The following RECQL5 variants were observed in gnomAD, a reference collection of about 807,000 sequenced individuals.
RECQL5 encodes the protein ATP-dependent DNA helicase Q5.
Under a neutral mutation model 103.4 loss-of-function variants are expected in RECQL5, and 88 were observed. The observed-to-expected ratio is 0.85, with a 90% CI of 0.72 to 1.02. The LOEUF (loss-of-function observed/expected upper bound fraction) is 1.02. Among genes scored for constraint, RECQL5 ranks in the 50% least tolerant of loss-of-function variants. The pLI is 0.00. For missense variants in RECQL5, 1,232 were observed against 1,284.3 expected, an observed-to-expected ratio of 0.96 and a Z score of 0.62; for synonymous variants, 552 against 507.9, an observed-to-expected ratio of 1.09 and a Z score of -1.17.
chr17:75,650,040 T>G, intron 8 of RECQL5: 1 of 985,568 alleles, frequency 1.0e-6, no homozygotes, highest in Non-Finnish European at 1.2e-6. Flanking sequence ...CCCCAGAGCT[T>G]TTTTCAGCAA....
At position 75,665,010 on chromosome 17, in the gene RECQL5, G is replaced by A. The variant is rs533226551; in HGVS notation, c.252+41C>T. The A allele has an allele frequency of 2.7e-6, 4 of 1,492,996 alleles. No homozygotes were observed. The African/African-American group carries it at 4.4e-5, about 16-fold the overall frequency. The allele number at this position is 1,492,996 out of a possible 1,614,324, so 92.5% of individuals were successfully genotyped here. A position where few individuals can be genotyped will look rare whatever the true frequency, so the allele number is the denominator to read the frequency against. Reference sequence around the variant, plus strand: ...TTTCCAGCCTCAAAAAACCTTCCCCGAATCTTTTTGGGCTACCATCTTCAT... The same window carrying A: ...TTTCCAGCCTCAAAAAACCTTCCCCAAATCTTTTTGGGCTACCATCTTCAT... On this transcript the variant is annotated intron_variant, in intron 3 of 19. Coordinates refer to ENST00000317905, the MANE Select transcript of RECQL5 (RefSeq NM_004259.7).
chr17:75,633,905 T>C (rs1413171236), intron 8 of RECQL5: 2 of 989,262 alleles, frequency 2.0e-6, no homozygotes, highest in Non-Finnish European at 2.4e-6. Context: ...AGAGGGAGCT[T>C]GTCTTGTCCC....
At chr17:75,658,564 G>A in intron 6 of RECQL5, 104 bp from the exon 7 acceptor site, 2 of 1,041,014 alleles carry the variant, frequency 1.9e-6, no homozygotes, top group South Asian at 1.4e-5. Flanking sequence ...CAGATAGGGA[G>A]GGAGAGGGAT....
In RECQL5 at chr17:75,627,613, C is replaced by A. The variant is rs978585603; in HGVS notation, c.2875+10G>T. ...AAGTGCCTCCTGGCCCTGGCAATGC[C>A]AGCGCTCACCGCTCCTTCCAGGAGA... On this transcript the variant is annotated intron_variant, in intron 19 of 19. Transcript: ENST00000317905. 2 of 1,613,544 alleles carry A rather than the reference C, an allele frequency of 1.2e-6. No homozygotes were observed. Among genetic ancestry groups the A allele is most frequent in the African/African-American group, 1.3e-5 (1 of 75,050 alleles).
chr17:75,639,945 G>A (rs190465285), intron 8 of RECQL5: 33 of 413,386 alleles, frequency 8.0e-5, no homozygotes, highest in African/African-American at 6.3e-4. Context: ...CCCGAAGCAA[G>A]CCCTTGGTCT....
intron 2 of RECQL5, among the ~76,000 whole-genome samples, chr17:75,665,598 G>A (rs1276134405): frequency 2.0e-5 from 3 of 151,316 alleles, no homozygotes; most frequent in Non-Finnish European, 4.4e-5. Flanking sequence ...GCTGAAGCAG[G>A]AGAATTGCTT....
chr17:75,647,088 AAAG>A (rs1388953669), intron 8 of RECQL5, among the ~76,000 whole-genome samples: 1 of 152,212 alleles, frequency 6.6e-6, no homozygotes, highest in Non-Finnish European at 1.5e-5. Flanking sequence ...GCTACTCAGG[AAAG>A]AAGGACTGGA....
At chr17:75,660,143 T>C (rs571662282) in intron 6 of RECQL5, among the ~76,000 whole-genome samples, 4 of 152,078 alleles carry the variant, frequency 2.6e-5, no homozygotes, top group Non-Finnish European at 4.4e-5. Context: ...CTCAGCTCAC[T>C]GCAACCTCCG....
rs35566780 is a variant in RECQL5 at position 75,629,772 on chromosome 17, C to G, written c.1883G>C (p.Ser628Thr). The G allele has an allele frequency of 6.2e-7, 1 of 1,613,666 alleles. No individual in the cohort carries two copies. The highest frequency in any genetic ancestry group is 8.5e-7 in the Non-Finnish European group (1 of 1,179,826). Residue 628 changes from serine to threonine, a missense_variant, in exon 15 of 20, where the codon AGT (serine) becomes ACT (threonine). Coordinates refer to ENST00000317905, the MANE Select transcript of RECQL5 (RefSeq NM_004259.7). Reference sequence around the variant, plus strand: ...GGGCTCCGGGGGCTCAGCTTGGGCACTGCAGCTCTTGGCACTGCCTCCCAT... The same window carrying G: ...GGGCTCCGGGGGCTCAGCTTGGGCAGTGCAGCTCTTGGCACTGCCTCCCAT... ...YDMGGSAKSC[S>T]AQAEPPEPNE...
rs753206967 is a variant in RECQL5 at position 75,629,478 on chromosome 17, G to A, written c.1948-3C>T. On this transcript the variant is annotated splice_polypyrimidine_tract_variant and splice_region_variant and intron_variant, in intron 15 of 19. Coordinates refer to ENST00000317905, the MANE Select transcript of RECQL5 (RefSeq NM_004259.7). The stretch of plus-strand genomic sequence containing the variant: ...GCTCCCACCCGCTTGGGTTTGAGCT[G>A]TAAATGTGAGCAGGAGGAGAGGAGG... 63 of 1,502,004 alleles carry A rather than the reference G, an allele frequency of 4.2e-5. No individual in the cohort carries two copies. The highest frequency in any genetic ancestry group is 3.6e-4 in the Middle Eastern group (2 of 5,560). The allele number at this position is 1,502,004 out of a possible 1,614,324, so 93.0% of individuals were successfully genotyped here.
In RECQL5 at chr17:75,649,965, G is replaced by A. The variant is rs995301649; in HGVS notation, c.1229+1221C>T. On this transcript the variant is annotated intron_variant, in intron 8 of 19. Transcript: ENST00000317905. ...GGAGGACCTGTTCCCTTGCCTGGCA[G>A]GCGGAGCAGACCCTGGGGACAGGCA... 2.7e-5 allele frequency: 27 copies of A among 985,484 alleles called. No homozygotes were observed. In the African/African-American group the frequency reaches 4.0e-4, roughly 15 times the overall value. The allele number at this position is 985,484 out of a possible 1,614,324, so 61.0% of individuals were successfully genotyped here. A position where few individuals can be genotyped will look rare whatever the true frequency, so the allele number is the denominator to read the frequency against.
intron 2 of RECQL5, 53 bp downstream of exon 2, chr17:75,666,375 G>C (rs2059781524): frequency 1.2e-6 from 2 of 1,600,514 alleles, no homozygotes; most frequent in African/African-American, 2.7e-5. Flanking sequence ...TTCTGCCGCA[G>C]CGTTATGGTA....
chr17:75,631,484 C>CGT lies in RECQL5; in HGVS notation c.1413_1414insAC (p.Glu472ThrfsTer52), dbSNP rs749893311. 5.6e-6 allele frequency: 9 copies of CGT among 1,613,162 alleles called. No homozygotes were observed. Among genetic ancestry groups the CGT allele is most frequent in the Non-Finnish European group, 7.6e-6 (9 of 1,179,970 alleles). ...TCCCCGTAGCCCTTGCGGCCTCCCT[C>CGT]ATACAGCTCGGGGTCAAAGCCGTTC... On this transcript the variant is annotated frameshift_variant, in exon 9 of 20. Transcript: ENST00000317905. LOFTEE classifies it high-confidence loss of function.
chr17:75,666,675 C>A (rs1037053120), intron 1 of RECQL5, 104 bp from the exon 2 acceptor site: 8 of 1,099,818 alleles, frequency 7.3e-6, no homozygotes, highest in Non-Finnish European at 1.0e-5. Flanking sequence ...CTATATTACA[C>A]TTAAATAATG....
At chr17:75,656,941 T>A (rs2148330541) in intron 7 of RECQL5, among the ~76,000 whole-genome samples, 1 of 152,292 alleles carries the variant, frequency 6.6e-6, no homozygotes, top group African/African-American at 2.4e-5. Context: ...AGACGGGGTT[T>A]CACCGTGTTA....
At chr17:75,662,249 G>A (rs1265109348) in intron 4 of RECQL5, among the ~76,000 whole-genome samples, 3 of 152,192 alleles carry the variant, frequency 2.0e-5, no homozygotes, top group Admixed American at 2.0e-4. Flanking sequence ...GGTCTGCAGA[G>A]GCATCACACA....
chr17:75,651,019 A>C lies in RECQL5; in HGVS notation c.1229+167T>G, dbSNP rs2059548384. The C allele has an allele frequency of 3.3e-6, 5 of 1,524,392 alleles. No individual in the cohort carries two copies. The South Asian group carries it at 5.2e-5, about 16-fold the overall frequency. The allele number at this position is 1,524,392 out of a possible 1,614,324, so 94.4% of individuals were successfully genotyped here. Reference sequence around the variant, plus strand: ...CGAGAGATCCCGGGGCCTCCAATAGAGAAGAGCAAGGTCCTGACTTCCACA... The same window carrying C: ...CGAGAGATCCCGGGGCCTCCAATAGCGAAGAGCAAGGTCCTGACTTCCACA... On this transcript the variant is annotated intron_variant, in intron 8 of 19. Coordinates refer to ENST00000317905, the MANE Select transcript of RECQL5 (RefSeq NM_004259.7).
At chr17:75,653,917 C>CA (rs138450030) in intron 7 of RECQL5, among the ~76,000 whole-genome samples, 2,698 of 145,544 alleles carry the variant, frequency 0.019, 73 homozygotes, top group African/African-American at 0.064. Context: ...CAAAACAAAA[C>CA]AAAAAAAAAA....
chr17:75,628,398 G>T lies in RECQL5; in HGVS notation c.2625C>A (p.Ala875=). 1 of 1,613,928 alleles carries T rather than the reference G, an allele frequency of 6.2e-7. No homozygotes were observed. The highest frequency in any genetic ancestry group is 8.5e-7 in the Non-Finnish European group (1 of 1,180,024). Residue 875 remains alanine, a synonymous_variant, in exon 18 of 20, where the codon GCC becomes GCA. Transcript: ENST00000317905. ...SQPQKRPRPS[A]KPSVVAEVKG... is the part of the protein sequence containing the mutation. ...TGACCTCAGCTACGACGGAGGGCTTGGCTGAGGGGCGTGGCCTCTTCTGAG... is the reference window on the plus strand; with the variant it reads ...TGACCTCAGCTACGACGGAGGGCTTTGCTGAGGGGCGTGGCCTCTTCTGAG...
Sources: gnomAD v4.1 joint callset for allele counts (sites outside exome capture counted in the v4.1 genomes callset) on GRCh38, gnomAD v4.1.1 for gene constraint, MANE v1.5 for transcripts, NCBI Gene and HGNC (gene_info 2026-07-23, HGNC 2026-07-21) for gene names.